Variants in XYLT1 observed in about 807,000 individuals in gnomAD.
XYLT1 encodes beta-D-xylosyltransferase 1.
A neutral mutation model predicts 91.3 loss-of-function variants in XYLT1; 36 were observed. The observed-to-expected ratio is 0.39, with a 90% CI of 0.30 to 0.52. The LOEUF is 0.52. XYLT1 is among the 20% of genes least tolerant of loss of function. The pLI is 0.68. For missense variants in XYLT1, 1,242 were observed against 1,284.5 expected (o/e 0.97, Z 0.51); for synonymous variants, 588 against 532.0 (o/e 1.11, Z -1.45).
chr16:17,224,043 C>A (rs1418648845), intron 3 of XYLT1, among the ~76,000 whole-genome samples: 1 of 152,224 alleles, frequency 6.6e-6, no homozygotes, highest in East Asian at 1.9e-4. Flanking sequence ...TAGGACCAGA[C>A]CTCGCTAGCT....
At chr16:17,365,208 T>C (rs575698632) in intron 1 of XYLT1, among the ~76,000 whole-genome samples, 6 of 152,306 alleles carry the variant, frequency 3.9e-5, no homozygotes, top group African/African-American at 1.4e-4. Context: ...CCCTCCACTT[T>C]CCAGCATTTC....
chr16:17,292,105 CATAT>C (rs747204331), intron 2 of XYLT1, among the ~76,000 whole-genome samples: 168 of 137,616 alleles, frequency 1.2e-3, no homozygotes, highest in Non-Finnish European at 1.9e-3. Context: ...CACACACACA[CATAT>C]ACACATATAT....
chr16:17,271,333 G>GAC (rs1372766851), intron 2 of XYLT1, among the ~76,000 whole-genome samples: 1 of 151,974 alleles, frequency 6.6e-6, no homozygotes, highest in Non-Finnish European at 1.5e-5. Flanking sequence ...CAGAGAGAGA[G>GAC]ACACACAGAG....
At chr16:17,364,331 A>G (rs1342177418) in intron 1 of XYLT1, among the ~76,000 whole-genome samples, 1 of 152,220 alleles carries the variant, frequency 6.6e-6, no homozygotes, top group East Asian at 1.9e-4. Flanking sequence ...ATACAAGCTT[A>G]ACAGGTATAA....
At position 17,200,593 on chromosome 16, in the gene XYLT1, C is replaced by T. The variant is rs761027921; in HGVS notation, c.975G>A (p.Pro325=). 33 of 1,614,032 alleles carry T rather than the reference C, an allele frequency of 2.0e-5. No individual in the cohort carries two copies. Among genetic ancestry groups the T allele is most frequent in the Non-Finnish European group, 2.5e-5 (30 of 1,180,020 alleles). The change falls in exon 4 of 12, where the codon CCG becomes CCA. Residue 325 remains proline (P), a synonymous_variant. Transcript: ENST00000261381. ...CCACCAGGACAAAGGCGATTCTGAC[C>T]GGGTTGGCTGGCATGTACTCCACGG... is the stretch of plus-strand genomic sequence containing the variant. ...EDSVEYMPAN[P]VRIAFVLVVH... is the part of the protein sequence containing the mutation.
At chr16:17,348,563 C>T (rs1363654315) in intron 2 of XYLT1, among the ~76,000 whole-genome samples, 2 of 152,078 alleles carry the variant, frequency 1.3e-5, no homozygotes, top group African/African-American at 2.4e-5. Flanking sequence ...AGAGCACCTT[C>T]GCCAAGGGAT....
At chr16:17,138,574 T>TCCCACAGATGAA (rs751985182) in intron 7 of XYLT1, 43 bp from the exon 8 acceptor site, 2 of 1,593,462 alleles carry the variant, frequency 1.3e-6, no homozygotes, top group Non-Finnish European at 1.7e-6. Context: ...TCTCCCAGCC[T>TCCCACAGATGAA]CCCACAGATG....
chr16:17,373,159 T>A (rs2035557632), intron 1 of XYLT1, among the ~76,000 whole-genome samples: 1 of 152,180 alleles, frequency 6.6e-6, no homozygotes, highest in East Asian at 1.9e-4. Flanking sequence ...TTTGTTTCGT[T>A]TTAAATCACA....
chr16:17,224,254 A>T (rs887676018), intron 3 of XYLT1, among the ~76,000 whole-genome samples: 2 of 152,230 alleles, frequency 1.3e-5, no homozygotes, highest in South Asian at 4.1e-4. Context: ...AAAGCAAGGC[A>T]TTGAGATGGG....
At chr16:17,323,178 T>C (rs542330308) in intron 2 of XYLT1, among the ~76,000 whole-genome samples, 4 of 152,222 alleles carry the variant, frequency 2.6e-5, no homozygotes, top group Non-Finnish European at 5.9e-5. Flanking sequence ...TCAACACTGG[T>C]TGAGTTCTAA....
chr16:17,190,294 A>G (rs2032279174), intron 5 of XYLT1, among the ~76,000 whole-genome samples: 1 of 152,158 alleles, frequency 6.6e-6, no homozygotes, highest in African/African-American at 2.4e-5. Context: ...ATTTCACCTC[A>G]GTTTCTTTTT....
At chr16:17,316,723 T>A (rs1001995909) in intron 2 of XYLT1, among the ~76,000 whole-genome samples, 2 of 151,448 alleles carry the variant, frequency 1.3e-5, no homozygotes, top group Non-Finnish European at 2.9e-5. Flanking sequence ...AGGCTCTGTT[T>A]TACTTCTGCT....
intron 1 of XYLT1, among the ~76,000 whole-genome samples, chr16:17,448,111 T>C (rs2141947709): frequency 6.6e-6 from 1 of 152,402 alleles, no homozygotes; most frequent in Admixed American, 6.5e-5. Flanking sequence ...CTCACACCTG[T>C]AATCCCACCA....
At chr16:17,441,170 G>T (rs1481359764) in intron 1 of XYLT1, among the ~76,000 whole-genome samples, 3 of 151,724 alleles carry the variant, frequency 2.0e-5, no homozygotes, top group African/African-American at 7.3e-5. Flanking sequence ...CGCCTCCCAG[G>T]TTCAAGCGAT....
At chr16:17,338,739 C>T (rs2035025251) in intron 2 of XYLT1, among the ~76,000 whole-genome samples, 1 of 152,112 alleles carries the variant, frequency 6.6e-6, no homozygotes, top group South Asian at 2.1e-4. Flanking sequence ...TGCCCACCAC[C>T]ACAACTAACT....
chr16:17,260,684 T>C (rs924287507), intron 2 of XYLT1, among the ~76,000 whole-genome samples: 12 of 152,172 alleles, frequency 7.9e-5, no homozygotes, highest in Non-Finnish European at 1.2e-4. Flanking sequence ...TAAATAAAGT[T>C]TTATTGAAAC....
At chr16:17,112,280 T>C (rs1011261953) in intron 11 of XYLT1, among the ~76,000 whole-genome samples, 25 of 152,104 alleles carry the variant, frequency 1.6e-4, no homozygotes, top group African/African-American at 6.0e-4. Context: ...TCTTGATGAA[T>C]CATTTTACAA....
intron 3 of XYLT1, among the ~76,000 whole-genome samples, chr16:17,218,244 G>A (rs535229024): frequency 6.6e-5 from 10 of 151,982 alleles, no homozygotes; most frequent in Non-Finnish European, 1.2e-4. Flanking sequence ...GTGACAGAGT[G>A]AGGCTTCCTC....
At position 17,262,749 on chromosome 16, in the gene XYLT1, G is replaced by A. The variant is rs560164477; in HGVS notation, c.403-3251C>T. Among the ~76,000 whole-genome samples, 7 of 152,230 alleles carry A rather than the reference G, an allele frequency of 4.6e-5. No homozygotes were observed. In the East Asian group the frequency reaches 1.4e-3, roughly 29 times the overall value. On this transcript the variant is annotated intron_variant, in intron 2 of 11. Transcript: ENST00000261381. Reference sequence around the variant, plus strand: ...TGGAGGTCATGCATCCCTGAGTGAGGCCCATGTGGAGTAGAGACTCTACCA... The same window carrying A: ...TGGAGGTCATGCATCCCTGAGTGAGACCCATGTGGAGTAGAGACTCTACCA...
Sources: allele counts gnomAD v4.1 joint callset (sites outside exome capture counted in the v4.1 genomes callset), GRCh38; gene constraint gnomAD v4.1.1; transcripts MANE v1.5; gene names NCBI Gene and HGNC (gene_info 2026-07-23, HGNC 2026-07-21).